The following ADGRG2 variants were observed in gnomAD, a reference collection of about 807,000 sequenced individuals.
ADGRG2 encodes adhesion G protein-coupled receptor G2, also known as G protein-coupled receptor 64.
ADGRG2 carries 26 observed loss-of-function variants against 74.1 expected under a neutral mutation model. That is an observed-to-expected ratio of 0.35 (90% CI 0.26 to 0.49). The LOEUF is 0.49. Ranked by LOEUF, ADGRG2 falls within the 20% of genes least tolerant of loss-of-function variation. ADGRG2 has a pLI of 0.99. For missense variants in ADGRG2, 619 were observed against 763.1 expected (o/e 0.81, Z 2.22); for synonymous variants, 296 against 295.2 (o/e 1.00, Z -0.03).
intron 18 of ADGRG2, 143 bp from the exon 19 acceptor site, chrX:19,008,266 C>T: frequency 2.3e-6 from 1 of 430,659 alleles, no homozygotes; most frequent in South Asian, 5.6e-5. Context: ...ATTACTTTTG[C>T]ACCAGCCTAA....
Position 18,990,327 on chromosome X carries a change from C to T in ADGRG2, c.*537G>A, listed in dbSNP as rs1290365783. The T allele has an allele frequency of 8.9e-6, 1 of 112,782 alleles. No homozygotes were observed. The highest frequency in any genetic ancestry group is 3.2e-5 in the African/African-American group (1 of 30,948). The allele number at this position is 112,782 out of a possible 1,213,427, so 9.3% of individuals were successfully genotyped here. A position where few individuals can be genotyped will look rare whatever the true frequency, so the allele number is the denominator to read the frequency against. On this transcript the variant is annotated 3_prime_UTR_variant, in exon 29 of 29. Coordinates refer to ENST00000379869, the MANE Select transcript of ADGRG2 (RefSeq NM_001079858.3). ...AAAAGGAGCTTTAGGATTTGCGGAA[C>T]GAGCAAGGATTTTCTGAATTATCAC...
chrX:19,082,697 C>T lies in ADGRG2; in HGVS notation c.-2+5G>A, dbSNP rs905961395. The stretch of plus-strand genomic sequence containing the variant: ...ACATTATCTCATAGAAATAGCATTA[C>T]TCACCTGACCGCGAGTTCAGAAAAC... On this transcript the variant is annotated splice_donor_5th_base_variant and intron_variant, in intron 2 of 28. Coordinates refer to ENST00000379869, the MANE Select transcript of ADGRG2 (RefSeq NM_001079858.3). The T allele has an allele frequency of 1.8e-5, 2 of 112,221 alleles. No homozygotes were observed. The allele number at this position is 112,221 out of a possible 1,213,427, so 9.2% of individuals were successfully genotyped here. A position where few individuals can be genotyped will look rare whatever the true frequency, so the allele number is the denominator to read the frequency against.
At chrX:19,019,548 ATTT>A (rs372068061) in intron 15 of ADGRG2, 48 bp downstream of exon 15, 1,581 of 518,797 alleles carry the variant, frequency 3.0e-3, no homozygotes, top group Admixed American at 5.0e-3. Flanking sequence ...TAGCATGGTG[ATTT>A]TTTTTTTTTT....
rs148438489 is a variant in ADGRG2 at position 19,053,048 on chromosome X, G to T, written c.119-12824C>A. Among the ~76,000 whole-genome samples, 4 of 111,803 alleles carry T rather than the reference G, an allele frequency of 3.6e-5. No homozygotes were observed. The Admixed American group carries it at 3.8e-4, about 11-fold the overall frequency. On this transcript the variant is annotated intron_variant, in intron 3 of 28. Coordinates refer to ENST00000379869, the MANE Select transcript of ADGRG2 (RefSeq NM_001079858.3). Reference sequence around the variant, plus strand: ...TTGGTTGCATTAAGTATGTCCACATGTTTATGCAACCATCACCACCTTCTC... The same window carrying T: ...TTGGTTGCATTAAGTATGTCCACATTTTTATGCAACCATCACCACCTTCTC...
At chrX:19,063,729 T>A (rs2061523133) in intron 3 of ADGRG2, among the ~76,000 whole-genome samples, 1 of 111,696 alleles carries the variant, frequency 9.0e-6, no homozygotes, top group African/African-American at 3.3e-5. Flanking sequence ...CACAAAGTGA[T>A]ATCCCCAGGT....
chrX:19,057,575 G>A (rs1394323097), intron 3 of ADGRG2, among the ~76,000 whole-genome samples: 1 of 111,888 alleles, frequency 8.9e-6, no homozygotes, highest in African/African-American at 3.2e-5. Context: ...GATGACTCAC[G>A]CCTGTAATCC....
At chrX:19,063,869 C>T (rs187253318) in intron 3 of ADGRG2, among the ~76,000 whole-genome samples, 139 of 111,697 alleles carry the variant, frequency 1.2e-3, no homozygotes, top group African/African-American at 4.3e-3. Flanking sequence ...GGAGGGTCCC[C>T]AGAAGCAGAG....
intron 1 of ADGRG2, among the ~76,000 whole-genome samples, chrX:19,108,931 C>T (rs1172810965): frequency 9.0e-6 from 1 of 111,090 alleles, no homozygotes; most frequent in Non-Finnish European, 1.9e-5. Flanking sequence ...ACATTGGATC[C>T]ACTTTTATGG....
At chrX:19,118,134 A>G (rs931293929) in intron 1 of ADGRG2, among the ~76,000 whole-genome samples, 6 of 111,767 alleles carry the variant, frequency 5.4e-5, no homozygotes, top group African/African-American at 1.6e-4. Context: ...AGGGAAGCCT[A>G]GCCACTAAAG....
At position 19,007,292 on chromosome X, in the gene ADGRG2, G is replaced by A. The variant is rs2060256084; in HGVS notation, c.1632C>T (p.Thr544=). ...YVISSSVANL[T]VRNLTRNVTV... ...TCACGTTTCTTGTCAAGTTCCTGACGGTCAGGTTTGCAACACTCGATGATA... is the reference window on the plus strand; with the variant it reads ...TCACGTTTCTTGTCAAGTTCCTGACAGTCAGGTTTGCAACACTCGATGATA... The change falls in exon 20 of 29, where the codon ACC becomes ACT. Residue 544 remains threonine (T), a synonymous_variant. Transcript: ENST00000379869. 1.7e-6 allele frequency: 2 copies of A among 1,207,202 alleles called. No individual in the cohort carries two copies. The highest frequency in any genetic ancestry group is 1.1e-6 in the Non-Finnish European group (1 of 891,451).
chrX:19,042,673 T>C (rs1159968902), intron 3 of ADGRG2, among the ~76,000 whole-genome samples: 2 of 111,543 alleles, frequency 1.8e-5, no homozygotes, highest in Non-Finnish European at 3.8e-5. Flanking sequence ...CGTGGGCTTA[T>C]AATCAAGAGC....
At chrX:19,104,690 A>G (rs1484013086) in intron 1 of ADGRG2, among the ~76,000 whole-genome samples, 4 of 110,429 alleles carry the variant, frequency 3.6e-5, no homozygotes, top group African/African-American at 9.9e-5. Flanking sequence ...AGGTGGGTGG[A>G]TCACTTGAGT....
At chrX:19,007,063 T>C (rs974969354) in intron 20 of ADGRG2, among the ~76,000 whole-genome samples, 172 bp downstream of exon 20, 1 of 111,529 alleles carries the variant, frequency 9.0e-6, no homozygotes, top group Non-Finnish European at 1.9e-5. Flanking sequence ...CCCTGGTCAA[T>C]TATTAAGTGT....
intron 2 of ADGRG2, among the ~76,000 whole-genome samples, chrX:19,073,700 C>G (rs1406682967): frequency 8.9e-6 from 1 of 111,755 alleles, no homozygotes; most frequent in Non-Finnish European, 1.9e-5. Context: ...GGAGAAATAG[C>G]TTGATACCAC....
intron 15 of ADGRG2, among the ~76,000 whole-genome samples, chrX:19,016,403 C>T (rs2060469681): frequency 1.8e-5 from 2 of 111,086 alleles, no homozygotes; most frequent in Admixed American, 9.6e-5. Context: ...CAGTGGTTCT[C>T]GAACTTGGCT....
rs769716522 is a variant in ADGRG2 at position 19,023,460 on chromosome X, C to G, written c.511-7G>C. ...CACACATTATAAAGTAAGTCTGAAA[C>G]AAAACAAAAAACACGTATACACATA... On this transcript the variant is annotated splice_region_variant and splice_polypyrimidine_tract_variant and intron_variant, in intron 12 of 28. Transcript: ENST00000379869. 1 of 1,075,215 alleles carries G rather than the reference C, an allele frequency of 9.3e-7. No individual in the cohort carries two copies. Among genetic ancestry groups the G allele is most frequent in the East Asian group, 3.0e-5 (1 of 33,005 alleles). The allele number at this position is 1,075,215 out of a possible 1,213,427, so 88.6% of individuals were successfully genotyped here.
Position 18,999,158 on chromosome X carries a change from T to C in ADGRG2, c.2452A>G (p.Lys818Glu), listed in dbSNP as rs1348658408. 8.3e-7 allele frequency: 1 copy of C among 1,211,239 alleles called. No homozygotes were observed. Among genetic ancestry groups the C allele is most frequent in the South Asian group, 1.8e-5 (1 of 56,963 alleles). Residue 818 changes from lysine (K) to glutamate (E), a missense_variant, in exon 26 of 29, where the codon AAG (lysine) becomes GAG (glutamate). Transcript: ENST00000379869. The part of the protein sequence containing the change: ...VLVQLCRIKK[K>E]KQLGAQRKTS... ...TTTCGCTGGGCTCCCAGTTGCTTCT[T>C]CTTTTTAATTCGACAGAGCTGAACC... is the stretch of plus-strand genomic sequence containing the variant.
In ADGRG2 at chrX:18,990,831, C is replaced by A; in HGVS notation, c.*33G>T. On this transcript the variant is annotated 3_prime_UTR_variant, in exon 29 of 29. Transcript: ENST00000379869. Reference sequence around the variant, plus strand: ...GGTAAAATTGGACATTTCACACTGTCAAGCATCATGCTTTGATTTTAGAAG... The same window carrying A: ...GGTAAAATTGGACATTTCACACTGTAAAGCATCATGCTTTGATTTTAGAAG... 1 of 1,078,855 alleles carries A rather than the reference C, an allele frequency of 9.3e-7. No homozygotes were observed. Among genetic ancestry groups the A allele is most frequent in the South Asian group, 2.1e-5 (1 of 46,737 alleles). 88.9% of individuals were successfully genotyped at this position (1,078,855 alleles called of 1,213,427 possible).
intron 1 of ADGRG2, among the ~76,000 whole-genome samples, chrX:19,117,943 G>GAA (rs369024078): frequency 1.0e-5 from 1 of 97,898 alleles, no homozygotes; most frequent in Admixed American, 1.1e-4. Context: ...CTTTCAATGG[G>GAA]AAAAAAAAAA....
Sources: allele counts gnomAD v4.1 joint callset (sites outside exome capture counted in the v4.1 genomes callset), GRCh38; gene constraint gnomAD v4.1.1; transcripts MANE v1.5; gene names NCBI Gene and HGNC (gene_info 2026-07-23, HGNC 2026-07-21).